ABAT: variants seen among roughly 807,000 people sequenced by gnomAD.
The protein encoded by ABAT is 4-aminobutyrate aminotransferase, mitochondrial.
In ABAT, 45 loss-of-function variants were observed where a neutral mutation model predicts 64.6. That is an observed-to-expected ratio of 0.70 (90% CI 0.55 to 0.89). ABAT has a LOEUF of 0.89. Ranked by LOEUF, ABAT falls within the 40% of genes least tolerant of loss-of-function variation. The pLI, the probability that ABAT is intolerant of heterozygous loss-of-function variation, is 0.00. For missense variants in ABAT, 633 were observed against 658.4 expected (o/e 0.96, Z 0.42); for synonymous variants, 297 against 250.5 (o/e 1.19, Z -1.75).
chr16:8,779,699 T>C (rs569538216), intron 15 of ABAT, 109 bp downstream of exon 15: 5 of 838,154 alleles, frequency 6.0e-6, no homozygotes, highest in Non-Finnish European at 7.9e-6. Context: ...GGGCAGGTGG[T>C]ACACAGGTCT....
intron 1 of ABAT, among the ~76,000 whole-genome samples, chr16:8,727,633 T>C (rs1310803044): frequency 2.6e-5 from 4 of 152,220 alleles, no homozygotes; most frequent in African/African-American, 9.6e-5. Context: ...CATGCTGAGT[T>C]ATTTTAAGAA....
At position 8,676,255 on chromosome 16, in the gene ABAT, C is replaced by T. The variant is rs571206441; in HGVS notation, c.-42+1544C>T. On this transcript the variant is annotated intron_variant, in intron 1 of 15. Coordinates refer to ENST00000268251, the MANE Select transcript of ABAT (RefSeq NM_020686.6). Reference sequence around the variant, plus strand: ...CCTAAAAGGGCTTCTGCATTAAAGACGTGGCCCCTTCATTTGACAGTTAAA... The same window carrying T: ...CCTAAAAGGGCTTCTGCATTAAAGATGTGGCCCCTTCATTTGACAGTTAAA... Among the ~76,000 whole-genome samples the T allele has an allele frequency of 1.6e-4, 25 of 152,216 alleles. No individual in the cohort carries two copies. The South Asian group carries it at 3.5e-3, about 21-fold the overall frequency.
chr16:8,721,810 C>T (rs1213766976), intron 1 of ABAT, among the ~76,000 whole-genome samples: 1 of 152,178 alleles, frequency 6.6e-6, no homozygotes. Flanking sequence ...CCCCGCAATG[C>T]ACCAGACACA....
At chr16:8,697,249 T>A (rs570738802) in intron 1 of ABAT, among the ~76,000 whole-genome samples, 60 of 152,290 alleles carry the variant, frequency 3.9e-4, no homozygotes, top group Admixed American at 1.6e-3. Flanking sequence ...GGTCCCACGT[T>A]GGGAGGACTT....
chr16:8,757,622 C>G (rs1024845120), intron 5 of ABAT, 135 bp from the exon 6 acceptor site: 5 of 996,838 alleles, frequency 5.0e-6, no homozygotes, highest in Admixed American at 4.1e-5. Flanking sequence ...TTTTTGTCAA[C>G]AAAGGATAAA....
chr16:8,764,928 G>A lies in ABAT; in HGVS notation c.540+98G>A, dbSNP rs1347580679. The A allele has an allele frequency of 2.7e-6, 3 of 1,123,726 alleles. No homozygotes were observed. In the East Asian group the frequency reaches 7.2e-5, roughly 27 times the overall value. The allele number at this position is 1,123,726 out of a possible 1,614,324, so 69.6% of individuals were successfully genotyped here. On this transcript the variant is annotated intron_variant, in intron 8 of 15. Transcript: ENST00000268251. The surrounding 1 kb of genome is among the most constrained non-coding windows in gnomAD (Gnocchi z 4.2). ...TGACTGTTCATTCCAATGGGCTGGA[G>A]TATTAGACATCAGTACCAGGGTTAA... is the stretch of plus-strand genomic sequence containing the variant.
chr16:8,747,690 G>C (rs3815507), intron 3 of ABAT, among the ~76,000 whole-genome samples: 27,125 of 152,076 alleles, frequency 0.18, 2,637 homozygotes, highest in South Asian at 0.3. Flanking sequence ...GGTTTATGGA[G>C]TGTTTGGATT....
chr16:8,722,930 G>A (rs888954306), intron 1 of ABAT: 38 of 1,190,308 alleles, frequency 3.2e-5, no homozygotes, highest in African/African-American at 2.3e-4. Context: ...CTTAGAGTCC[G>A]AACGGGCCTT....
At chr16:8,685,428 G>C (rs2057432078) in intron 1 of ABAT, among the ~76,000 whole-genome samples, 3 of 151,962 alleles carry the variant, frequency 2.0e-5, no homozygotes, top group African/African-American at 7.3e-5. Flanking sequence ...CCAGCACTTT[G>C]GGAGGCCGAG....
intron 2 of ABAT, among the ~76,000 whole-genome samples, chr16:8,744,255 G>T (rs961548665): frequency 6.6e-6 from 1 of 152,142 alleles, no homozygotes; most frequent in Non-Finnish European, 1.5e-5. Context: ...GCTGGCATGT[G>T]CTCAGCTTCT....
chr16:8,721,830 CAG>C (rs1296288000), intron 1 of ABAT, among the ~76,000 whole-genome samples: 1 of 152,112 alleles, frequency 6.6e-6, no homozygotes. Flanking sequence ...ACGAAGGAAG[CAG>C]AGAGAGCTAA....
Position 8,748,804 on chromosome 16 carries a change from A to G in ABAT, c.198+667A>G, listed in dbSNP as rs146887825. Among the ~76,000 whole-genome samples, 571 of 151,920 alleles carry G rather than the reference A, an allele frequency of 3.8e-3. 6 individuals carry two copies. Among genetic ancestry groups the G allele is most frequent in the African/African-American group, 0.013 (539 of 41,442 alleles). Reference sequence around the variant, plus strand: ...CTCTCTAGTAATATTTTTATAGTCTATTTTTTCTGATATGAGTACAACCCC... The same window carrying G: ...CTCTCTAGTAATATTTTTATAGTCTGTTTTTTCTGATATGAGTACAACCCC... On this transcript the variant is annotated intron_variant, in intron 4 of 15. Coordinates refer to ENST00000268251, the MANE Select transcript of ABAT (RefSeq NM_020686.6).
chr16:8,768,390 A>T (rs2060007940), intron 10 of ABAT, 134 bp downstream of exon 10: 2 of 958,282 alleles, frequency 2.1e-6, no homozygotes, highest in Non-Finnish European at 3.3e-6. Flanking sequence ...CAGAGTGGGG[A>T]TTATTATTCC....
chr16:8,701,187 G>A (rs1345788944), intron 1 of ABAT, among the ~76,000 whole-genome samples: 2 of 152,140 alleles, frequency 1.3e-5, no homozygotes, highest in Non-Finnish European at 2.9e-5. Flanking sequence ...ATCTACCTGG[G>A]CCTCCCAAAG....
At chr16:8,778,476 A>G (rs1368959256) in intron 14 of ABAT, among the ~76,000 whole-genome samples, 1 of 152,120 alleles carries the variant, frequency 6.6e-6, no homozygotes, top group Non-Finnish European at 1.5e-5. Context: ...TTCTTCTTAT[A>G]AAGATACCAG....
rs1174796476 is a variant in ABAT, at chr16:8,783,762, C to T, written c.*2332C>T. 1 of 152,160 alleles carries T rather than the reference C, an allele frequency of 6.6e-6. No homozygotes were observed. 9.4% of individuals were successfully genotyped at this position (152,160 alleles called of 1,614,324 possible). A position where few individuals can be genotyped will look rare whatever the true frequency, so the allele number is the denominator to read the frequency against. The stretch of plus-strand genomic sequence containing the variant: ...AAAGGGTTTTAAGCCAGGGCACAAC[C>T]AGAAAAGTGGCTCTCTTTGGTAGGG... On this transcript the variant is annotated 3_prime_UTR_variant, in exon 16 of 16. Transcript: ENST00000268251.
chr16:8,727,043 A>AT (rs919167844), intron 1 of ABAT, among the ~76,000 whole-genome samples: 2 of 151,908 alleles, frequency 1.3e-5, no homozygotes, highest in Admixed American at 6.6e-5. Flanking sequence ...GAATTATGAG[A>AT]TTTTTTTCTA....
chr16:8,680,376 G>T (rs188021555), intron 1 of ABAT, among the ~76,000 whole-genome samples: 1 of 152,162 alleles, frequency 6.6e-6, no homozygotes, highest in African/African-American at 2.4e-5. Flanking sequence ...TTTTAAATTG[G>T]GGTAAAATAC....
rs1172738711 is a variant in ABAT, at chr16:8,732,197, T to G, written c.-41-3502T>G. On this transcript the variant is annotated intron_variant, in intron 1 of 15. Transcript: ENST00000268251. The stretch of plus-strand genomic sequence containing the variant: ...GGTTGACTACTTTAGGTTTTTTTTG[T>G]TTTTTTTTTTTGTTTGTTTGTTTTT... Among the ~76,000 whole-genome samples, 68 of 5,556 alleles carry G rather than the reference T, an allele frequency of 0.012. 3 individuals carry two copies. The Admixed American group carries it at 0.14, about 12-fold the overall frequency. 3.6% of individuals were successfully genotyped at this position (5,556 alleles called of 152,430 possible).
Sources: allele counts gnomAD v4.1 joint callset (sites outside exome capture counted in the v4.1 genomes callset), GRCh38; gene constraint gnomAD v4.1.1; non-coding constraint Gnocchi (gnomAD v3.1); transcripts MANE v1.5; gene names NCBI Gene and HGNC (gene_info 2026-07-23, HGNC 2026-07-21).